SCN8A: variants seen among roughly 807,000 people sequenced by gnomAD.
SCN8A encodes the protein sodium channel protein type 8 subunit alpha.
Under a neutral mutation model 184.1 loss-of-function variants are expected in SCN8A, and 30 were observed. The ratio of observed to expected loss-of-function variants is 0.16; its 90% CI spans 0.12 to 0.22. The LOEUF is 0.22. Ranked by LOEUF, SCN8A falls within the 10% of genes least tolerant of loss-of-function variation. The probability of loss-of-function intolerance (pLI) is 1.00; values close to 1 mark genes in which losing one functional copy is unlikely to be tolerated. For missense variants in SCN8A, 1,057 were observed against 2,498.9 expected (o/e 0.42, Z 12.30); for synonymous variants, 852 against 907.0 (o/e 0.94, Z 1.09).
rs144343153 is a variant in SCN8A, at chr12:51,732,470, T to C, written c.1998+10562T>C. Among the ~76,000 whole-genome samples, 804 of 152,332 alleles carry C rather than the reference T, an allele frequency of 5.3e-3. 6 individuals are homozygous for C. Among genetic ancestry groups the C allele is most frequent in the African/African-American group, 0.019 (772 of 41,576 alleles). ...CAGTACCATGCTGTTCTGGTTACTA[T>C]AGCTCCGTTGTATAATTTAAAATCA... is the stretch of plus-strand genomic sequence containing the variant. On this transcript the variant is annotated intron_variant, in intron 12 of 26. Coordinates refer to ENST00000627620, the MANE Select transcript of SCN8A (RefSeq NM_001330260.2).
At chr12:51,676,641 C>T (rs1056459642) in intron 2 of SCN8A, among the ~76,000 whole-genome samples, 1 of 152,070 alleles carries the variant, frequency 6.6e-6, no homozygotes, top group Non-Finnish European at 1.5e-5. Context: ...AATTTAAGGC[C>T]AGAGAAGTTG....
intron 1 of SCN8A, among the ~76,000 whole-genome samples, chr12:51,591,892 A>C (rs1939228728): frequency 6.7e-6 from 1 of 150,122 alleles, no homozygotes; most frequent in East Asian, 2.0e-4. Context: ...CGCAGCCAGC[A>C]CTCCCGACTC....
intron 26 of SCN8A, 49 bp downstream of exon 26, chr12:51,794,690 T>C: frequency 1.3e-6 from 2 of 1,562,912 alleles, no homozygotes; most frequent in Non-Finnish European, 1.8e-6. Flanking sequence ...CCTGACTGAT[T>C]GTGAGGATGA....
chr12:51,800,696 T>C (rs562237755), intron 26 of SCN8A, among the ~76,000 whole-genome samples: 5 of 152,310 alleles, frequency 3.3e-5, no homozygotes, highest in African/African-American at 9.6e-5. Context: ...CTTCATTAAT[T>C]ATCTGACCTC....
In SCN8A at chr12:51,809,557, A is replaced by G. The variant is rs1412056977; in HGVS notation, c.*2128A>G. The G allele has an allele frequency of 1.3e-5, 2 of 152,216 alleles. No individual in the cohort carries two copies. Among genetic ancestry groups the G allele is most frequent in the South Asian group, 2.1e-4 (1 of 4,828 alleles). The allele number at this position is 152,216 out of a possible 1,614,324, so 9.4% of individuals were successfully genotyped here. ...CCGTAGAATTTTTGTACTACACCCA[A>G]TACCAGACTGGGAAGGCCTATCTTT... On this transcript the variant is annotated 3_prime_UTR_variant, in exon 27 of 27. Transcript: ENST00000627620.
At chr12:51,783,954 A>C (rs770395315) in intron 21 of SCN8A, among the ~76,000 whole-genome samples, 1 of 152,244 alleles carries the variant, frequency 6.6e-6, no homozygotes, top group Non-Finnish European at 1.5e-5. Flanking sequence ...GCTTTGAGTG[A>C]TATTTCCATG....
chr12:51,773,604 C>G (rs758944967), intron 19 of SCN8A, among the ~76,000 whole-genome samples: 1 of 152,160 alleles, frequency 6.6e-6, no homozygotes, highest in Non-Finnish European at 1.5e-5. Context: ...TTTGGCAGTT[C>G]CTCAAAAAAT....
intron 11 of SCN8A, among the ~76,000 whole-genome samples, chr12:51,714,572 A>C (rs1941935103): frequency 6.6e-6 from 1 of 152,120 alleles, no homozygotes; most frequent in Admixed American, 6.5e-5. Context: ...AGCCTTCCTT[A>C]AAAGGTCTCA....
At chr12:51,633,089 G>A (rs184918393) in intron 1 of SCN8A, among the ~76,000 whole-genome samples, 102 of 152,248 alleles carry the variant, frequency 6.7e-4, no homozygotes, top group African/African-American at 1.9e-3. Flanking sequence ...ACATGGCATC[G>A]ATCATCTGTA....
chr12:51,755,988 G>C (rs1942668103), intron 14 of SCN8A, among the ~76,000 whole-genome samples: 1 of 151,794 alleles, frequency 6.6e-6, no homozygotes, highest in South Asian at 2.1e-4. Context: ...CCTCCATGTG[G>C]ACACCTGCTC....
chr12:51,741,744 C>G (rs1942427493), intron 12 of SCN8A, among the ~76,000 whole-genome samples: 1 of 152,118 alleles, frequency 6.6e-6, no homozygotes, highest in African/African-American at 2.4e-5. Context: ...GAGTTTCACT[C>G]TTGTTGCCCA....
chr12:51,808,761 A>T lies in SCN8A; in HGVS notation c.*1332A>T, dbSNP rs1386110866. The T allele has an allele frequency of 6.6e-6, 1 of 152,084 alleles. No individual in the cohort carries two copies. Among genetic ancestry groups the T allele is most frequent in the South Asian group, 2.1e-4 (1 of 4,816 alleles). The allele number at this position is 152,084 out of a possible 1,614,324, so 9.4% of individuals were successfully genotyped here. A position where few individuals can be genotyped will look rare whatever the true frequency, so the allele number is the denominator to read the frequency against. ...TGGGTCGATACCGCGAGGGGTTCAG[A>T]TATTCTGAACTGACCTCTCTCTTCT... On this transcript the variant is annotated 3_prime_UTR_variant, in exon 27 of 27. Transcript: ENST00000627620.
chr12:51,596,604 G>A (rs1050544444), intron 1 of SCN8A, among the ~76,000 whole-genome samples: 13 of 152,126 alleles, frequency 8.5e-5, no homozygotes, highest in African/African-American at 2.9e-4. Flanking sequence ...AAAGATTCTG[G>A]GATAGACAGA....
rs1479272155 is a variant in SCN8A at position 51,768,116 on chromosome 12, G to A, written c.2902-749G>A. The A allele has an allele frequency of 1.4e-4, 21 of 152,072 alleles. 1 individual carries two copies. The highest frequency in any genetic ancestry group is 1.5e-5 in the Non-Finnish European group (1 of 68,032). 9.4% of individuals were successfully genotyped at this position (152,072 alleles called of 1,614,324 possible). On this transcript the variant is annotated intron_variant, in intron 16 of 26. Coordinates refer to ENST00000627620, the MANE Select transcript of SCN8A (RefSeq NM_001330260.2). ...ATGCCTTACTCTTCTTCCCAAGTAT[G>A]ACAAAGTAAGGACCAAGTGTAAATC...
chr12:51,758,450 T>G (rs1942711717), intron 14 of SCN8A, among the ~76,000 whole-genome samples: 1 of 152,198 alleles, frequency 6.6e-6, no homozygotes, highest in Non-Finnish European at 1.5e-5. Flanking sequence ...GTTTGTTTTG[T>G]TTTTTGAGGC....
intron 1 of SCN8A, among the ~76,000 whole-genome samples, chr12:51,626,060 A>G (rs1940071010): frequency 6.6e-6 from 1 of 152,238 alleles, no homozygotes; most frequent in South Asian, 2.1e-4. Context: ...AGTTTCAGTC[A>G]GGAGGCAGAA....
chr12:51,684,066 A>G, intron 2 of SCN8A, 108 bp from the exon 3 acceptor site: 1 of 716,760 alleles, frequency 1.4e-6, no homozygotes, highest in Middle Eastern at 2.3e-4. Flanking sequence ...GGGAAGTAAA[A>G]AGTATTAAAG....
At chr12:51,784,480 G>A (rs575808055) in intron 21 of SCN8A, among the ~76,000 whole-genome samples, 2 of 152,058 alleles carry the variant, frequency 1.3e-5, no homozygotes, top group African/African-American at 4.8e-5. Flanking sequence ...GCTTGAACCT[G>A]AGAAGGGCCT....
intron 12 of SCN8A, among the ~76,000 whole-genome samples, chr12:51,740,256 G>A (rs1942399227): frequency 6.6e-6 from 1 of 152,228 alleles, no homozygotes; most frequent in African/African-American, 2.4e-5. Context: ...CAGATTTTGG[G>A]GGGCTTGCTC....
Sources: gnomAD v4.1 joint callset for allele counts (sites outside exome capture counted in the v4.1 genomes callset) on GRCh38, gnomAD v4.1.1 for gene constraint, MANE v1.5 for transcripts, NCBI Gene and HGNC (gene_info 2026-07-23, HGNC 2026-07-21) for gene names.